PCDH9: variants seen among roughly 807,000 people sequenced by gnomAD.
The protein encoded by PCDH9 is protocadherin-9.
In PCDH9, 24 loss-of-function variants were observed where a neutral mutation model predicts 70.6. The observed-to-expected ratio is 0.34, with a 90% CI of 0.25 to 0.48. The LOEUF (loss-of-function observed/expected upper bound fraction) is 0.48, where lower values mean the gene tolerates loss of function less well. Among genes scored for constraint, PCDH9 ranks in the 20% least tolerant of loss-of-function variants. The pLI is 0.99. For synonymous variants in PCDH9, 562 were observed against 558.5 expected (o/e 1.01, Z -0.09); for missense variants, 1,281 against 1,503.6 (o/e 0.85, Z 2.45).
Position 66,811,358 on chromosome 13 carries a change from G to C in PCDH9, c.3138+92146C>G, listed in dbSNP as rs77762076. 4.3e-3 allele frequency among the ~76,000 whole-genome samples: 650 copies of C among 152,276 alleles called. 3 individuals carry two copies. The highest frequency in any genetic ancestry group is 0.017 in the Middle Eastern group (5 of 294). On this transcript the variant is annotated intron_variant, in intron 3 of 4. Transcript: ENST00000377865. ...TAAGGCCCTTGTGGTCCTATATTAA[G>C]CACCTTCCTGTGCACCAGGTATATG...
intron 2 of PCDH9, among the ~76,000 whole-genome samples, chr13:67,098,076 A>G (rs2086358983): frequency 6.6e-6 from 1 of 152,204 alleles, no homozygotes; most frequent in Non-Finnish European, 1.5e-5. Context: ...CTGACCCTGA[A>G]GTATATCACT....
intron 4 of PCDH9, among the ~76,000 whole-genome samples, chr13:66,320,262 T>C (rs906246398): frequency 6.6e-6 from 1 of 152,096 alleles, no homozygotes; most frequent in Non-Finnish European, 1.5e-5. Flanking sequence ...CTTTTTGATT[T>C]CATGCTGTAA....
intron 3 of PCDH9, among the ~76,000 whole-genome samples, chr13:66,863,898 G>A (rs1326574813): frequency 6.6e-6 from 1 of 152,110 alleles, no homozygotes; most frequent in Non-Finnish European, 1.5e-5. Flanking sequence ...ATAAAGGAAA[G>A]AGGTTTAGTT....
intron 3 of PCDH9, among the ~76,000 whole-genome samples, chr13:66,833,889 G>A (rs2080970316): frequency 6.6e-6 from 1 of 152,114 alleles, no homozygotes; most frequent in South Asian, 2.1e-4. Flanking sequence ...GCCAATCAGT[G>A]ACAGAAATGA....
chr13:66,725,826 A>C (rs920153081), intron 3 of PCDH9, among the ~76,000 whole-genome samples: 1 of 152,160 alleles, frequency 6.6e-6, no homozygotes, highest in South Asian at 2.1e-4. Context: ...GGCAATAATC[A>C]ATTTTATTCC....
intron 2 of PCDH9, among the ~76,000 whole-genome samples, chr13:67,182,071 A>G (rs2088631038): frequency 1.3e-5 from 2 of 152,076 alleles, no homozygotes; most frequent in Non-Finnish European, 2.9e-5. Context: ...TTCACTTGTT[A>G]CCAACATCAG....
intron 3 of PCDH9, among the ~76,000 whole-genome samples, chr13:66,845,143 C>A (rs970438080): frequency 1.3e-5 from 2 of 152,172 alleles, no homozygotes; most frequent in East Asian, 3.9e-4. Flanking sequence ...TGGGGCTTCA[C>A]GAGGGACCTG....
chr13:67,017,267 A>G (rs1295933717), intron 2 of PCDH9, among the ~76,000 whole-genome samples: 1 of 152,222 alleles, frequency 6.6e-6, no homozygotes, highest in Non-Finnish European at 1.5e-5. Context: ...CTATGTATAA[A>G]CCAAAAATGC....
intron 2 of PCDH9, among the ~76,000 whole-genome samples, chr13:67,021,705 G>A (rs543440810): frequency 6.6e-6 from 1 of 151,684 alleles, no homozygotes; most frequent in East Asian, 2.0e-4. Context: ...AATTACAGGT[G>A]CACACAACCA....
rs922867347 is a variant in PCDH9, at chr13:66,811,938, T to C, written c.3138+91566A>G. Among the ~76,000 whole-genome samples the C allele has an allele frequency of 3.3e-5, 5 of 152,222 alleles. No individual in the cohort carries two copies. The South Asian group carries it at 6.2e-4, about 19-fold the overall frequency. ...TTTAAAATTTTTATTTATTTTCCTG[T>C]AAGTTATTGGGTTACACACAGTATT... On this transcript the variant is annotated intron_variant, in intron 3 of 4. Coordinates refer to ENST00000377865, the MANE Select transcript of PCDH9 (RefSeq NM_203487.3).
chr13:67,085,106 T>C (rs2086080554), intron 2 of PCDH9, among the ~76,000 whole-genome samples: 1 of 147,498 alleles, frequency 6.8e-6, no homozygotes, highest in Non-Finnish European at 1.5e-5. Flanking sequence ...ACCCTAACTG[T>C]TAGGGGTCAA....
At chr13:66,386,167 CAAT>C (rs1349962045) in intron 4 of PCDH9, among the ~76,000 whole-genome samples, 2 of 152,064 alleles carry the variant, frequency 1.3e-5, no homozygotes, top group Admixed American at 1.3e-4. Context: ...CACTGTTCAA[CAAT>C]AATACTATGC....
At chr13:67,052,878 TAG>T (rs2085349128) in intron 2 of PCDH9, among the ~76,000 whole-genome samples, 2 of 151,978 alleles carry the variant, frequency 1.3e-5, no homozygotes, top group Admixed American at 1.3e-4. Flanking sequence ...GGCAGAGCAG[TAG>T]AGTGTCCCAT....
chr13:66,735,938 T>C (rs1020166832), intron 3 of PCDH9, among the ~76,000 whole-genome samples: 1 of 151,674 alleles, frequency 6.6e-6, no homozygotes, highest in African/African-American at 2.4e-5. Context: ...CACTCCAGCC[T>C]GGATGACAGA....
intron 3 of PCDH9, among the ~76,000 whole-genome samples, chr13:66,726,368 A>G (rs2139164215): frequency 6.6e-6 from 1 of 152,342 alleles, no homozygotes; most frequent in African/African-American, 2.4e-5. Flanking sequence ...CAATGTAAAG[A>G]AAAAGACATA....
At chr13:66,578,534 C>T (rs182796969) in intron 4 of PCDH9, among the ~76,000 whole-genome samples, 1 of 152,106 alleles carries the variant, frequency 6.6e-6, no homozygotes, top group East Asian at 1.9e-4. Flanking sequence ...AACAGAACAA[C>T]TAGAAATTTT....
intron 2 of PCDH9, among the ~76,000 whole-genome samples, chr13:67,018,618 A>C (rs1445751208): frequency 2.7e-5 from 4 of 146,150 alleles, no homozygotes; most frequent in Admixed American, 6.8e-5. Context: ...ACTCGTCTCA[A>C]AAAAAAAAAA....
At chr13:66,938,171 A>G (rs1253305868) in intron 2 of PCDH9, among the ~76,000 whole-genome samples, 2 of 152,170 alleles carry the variant, frequency 1.3e-5, no homozygotes, top group African/African-American at 4.8e-5. Context: ...CAGATAACTG[A>G]TGGGTAGACA....
At chr13:66,438,105 A>G (rs1712317935) in intron 4 of PCDH9, among the ~76,000 whole-genome samples, 1 of 152,004 alleles carries the variant, frequency 6.6e-6, no homozygotes, top group African/African-American at 2.4e-5. Context: ...GTGATGGCAT[A>G]CATCTGTAAT....
Sources: gnomAD v4.1 joint callset for allele counts (sites outside exome capture counted in the v4.1 genomes callset) on GRCh38, gnomAD v4.1.1 for gene constraint, MANE v1.5 for transcripts, NCBI Gene and HGNC (gene_info 2026-07-23, HGNC 2026-07-21) for gene names.